The following CHRM3 variants were observed in gnomAD, a reference collection of about 807,000 sequenced individuals.
CHRM3 encodes the protein cholinergic receptor muscarinic 3, also known as muscarinic acetylcholine receptor M3.
Under a neutral mutation model 41.8 loss-of-function variants are expected in CHRM3, and 11 were observed. That is an observed-to-expected ratio of 0.26 (90% CI 0.17 to 0.44). CHRM3 has a LOEUF of 0.44. Ranked by LOEUF, CHRM3 falls within the 20% of genes least tolerant of loss-of-function variation. The probability of loss-of-function intolerance (pLI) is 1.00; values close to 1 mark genes in which losing one functional copy is unlikely to be tolerated. For missense variants in CHRM3, 571 were observed against 745.4 expected (o/e 0.77, Z 2.72); for synonymous variants, 297 against 301.4 (o/e 0.99, Z 0.15).
chr1:239,587,387 A>G (rs561215370), intron 3 of CHRM3, among the ~76,000 whole-genome samples: 1 of 152,326 alleles, frequency 6.6e-6, no homozygotes, highest in South Asian at 2.1e-4. Flanking sequence ...GATGAAAAAT[A>G]TGGTAGCAAG....
intron 6 of CHRM3, among the ~76,000 whole-genome samples, chr1:239,848,270 T>C (rs1030475139): frequency 6.6e-6 from 1 of 152,184 alleles, no homozygotes; most frequent in African/African-American, 2.4e-5. Context: ...AGAAAATTTT[T>C]ATGCCATTCA....
chr1:239,596,432 G>A (rs1664782631), intron 3 of CHRM3, among the ~76,000 whole-genome samples: 5 of 152,124 alleles, frequency 3.3e-5, no homozygotes, highest in Admixed American at 3.3e-4. Flanking sequence ...AGTCCTAAGA[G>A]GAGAACCAAA....
At chr1:239,754,918 C>G (rs535050330) in intron 5 of CHRM3, among the ~76,000 whole-genome samples, 2 of 152,260 alleles carry the variant, frequency 1.3e-5, no homozygotes, top group Non-Finnish European at 2.9e-5. Context: ...AATGAGCAAT[C>G]TAATTCTCAT....
At chr1:239,589,085 C>T (rs948079364) in intron 3 of CHRM3, among the ~76,000 whole-genome samples, 13 of 152,074 alleles carry the variant, frequency 8.5e-5, no homozygotes, top group African/African-American at 3.1e-4. Context: ...AGGCACGTGC[C>T]GTCATGCCTG....
chr1:239,387,772 T>C lies in CHRM3; in HGVS notation c.-521+545T>C, dbSNP rs1658657660. Among the ~76,000 whole-genome samples the C allele has an allele frequency of 6.6e-6, 1 of 152,126 alleles. No homozygotes were observed. The highest frequency in any genetic ancestry group is 2.4e-5 in the African/African-American group (1 of 41,442). ...CTCGCAGTGGGGCCGCAAGTTCGGATTGCATTTCAGGGGGCGAGAAGGCAA... is the reference window on the plus strand; with the variant it reads ...CTCGCAGTGGGGCCGCAAGTTCGGACTGCATTTCAGGGGGCGAGAAGGCAA... On this transcript the variant is annotated intron_variant, in intron 1 of 6. Transcript: ENST00000676153. This position sits in a 1 kb window ranked among gnomAD's most constrained non-coding sequence, Gnocchi z 5.1.
intron 5 of CHRM3, among the ~76,000 whole-genome samples, chr1:239,717,011 A>G (rs762190534): frequency 2.0e-5 from 3 of 151,770 alleles, no homozygotes; most frequent in African/African-American, 4.8e-5. Context: ...AATGTCCTCA[A>G]TGCCAGAAAA....
intron 6 of CHRM3, among the ~76,000 whole-genome samples, chr1:239,859,360 T>C (rs572490399): frequency 6.6e-6 from 1 of 152,156 alleles, no homozygotes; most frequent in African/African-American, 2.4e-5. Flanking sequence ...TAATAACAAA[T>C]GAAGTTGAGC....
Position 239,776,537 on chromosome 1 carries a change from CA to C in CHRM3, c.-146-50709del, listed in dbSNP as rs1419369913. 4.0e-5 allele frequency among the ~76,000 whole-genome samples: 6 copies of C among 151,736 alleles called. No individual in the cohort carries two copies. In the East Asian group the frequency reaches 1.2e-3, roughly 29 times the overall value. ...ATCCCCTGGCAGATAGTGAACCTTT[CA>C]AAAAATTGATGTAAGGAAGGGAAGA... On this transcript the variant is annotated intron_variant, in intron 5 of 6. Coordinates refer to ENST00000676153, the MANE Select transcript of CHRM3 (RefSeq NM_001375978.1).
chr1:239,504,240 TA>T (rs974727072), intron 2 of CHRM3, among the ~76,000 whole-genome samples: 3 of 151,352 alleles, frequency 2.0e-5, no homozygotes, highest in African/African-American at 7.3e-5. Flanking sequence ...AACAATCCCA[TA>T]AAAAAGGGGG....
intron 3 of CHRM3, among the ~76,000 whole-genome samples, chr1:239,611,530 C>T (rs1336003964): frequency 6.7e-6 from 1 of 149,170 alleles, no homozygotes; most frequent in African/African-American, 2.5e-5. Flanking sequence ...AAGGGATTCT[C>T]CCGCCTCCAC....
rs577384014 is a variant in CHRM3 at position 239,484,458 on chromosome 1, T to A, written c.-520-8251T>A. On this transcript the variant is annotated intron_variant, in intron 1 of 6. Transcript: ENST00000676153. ...CCCACCTCCAACATTGGAAATTACA[T>A]TGGAACATGAGATTTGGAGGGAAAA... 1.2e-4 allele frequency among the ~76,000 whole-genome samples: 18 copies of A among 152,256 alleles called. No homozygotes were observed. The South Asian group carries it at 3.7e-3, about 32-fold the overall frequency.
At chr1:239,595,925 G>A (rs1472419654) in intron 3 of CHRM3, among the ~76,000 whole-genome samples, 2 of 151,922 alleles carry the variant, frequency 1.3e-5, no homozygotes, top group Non-Finnish European at 2.9e-5. Context: ...GTTATTTTTA[G>A]AAGACAGAAC....
chr1:239,565,632 G>T (rs1661285230), intron 3 of CHRM3, among the ~76,000 whole-genome samples: 2 of 152,108 alleles, frequency 1.3e-5, no homozygotes, highest in Admixed American at 1.3e-4. Context: ...AATTGTCCTT[G>T]TGATCTATAT....
chr1:239,519,933 G>C (rs565183624), intron 2 of CHRM3, among the ~76,000 whole-genome samples: 58 of 151,948 alleles, frequency 3.8e-4, no homozygotes, highest in African/African-American at 1.3e-3. Flanking sequence ...ATTTTTAGTA[G>C]AGACGGGGTT....
intron 5 of CHRM3, among the ~76,000 whole-genome samples, chr1:239,723,414 A>T (rs1451234606): frequency 6.6e-6 from 1 of 152,020 alleles, no homozygotes; most frequent in Non-Finnish European, 1.5e-5. Context: ...AATAGAGATC[A>T]CATGAATCAA....
chr1:239,493,351 T>G (rs953529130), intron 2 of CHRM3, among the ~76,000 whole-genome samples: 5 of 152,162 alleles, frequency 3.3e-5, no homozygotes, highest in Non-Finnish European at 7.4e-5. Context: ...GTTGCTAAAC[T>G]AGACACAATA....
chr1:239,561,745 A>G (rs1660883352), intron 3 of CHRM3, among the ~76,000 whole-genome samples: 1 of 152,066 alleles, frequency 6.6e-6, no homozygotes. Context: ...TTAGCATGTA[A>G]ACTCTATGAA....
chr1:239,642,868 G>A (rs908898038), intron 4 of CHRM3, among the ~76,000 whole-genome samples: 1 of 152,106 alleles, frequency 6.6e-6, no homozygotes, highest in African/African-American at 2.4e-5. Context: ...CAGTTTTTCT[G>A]CTCTGTTTTT....
intron 6 of CHRM3, among the ~76,000 whole-genome samples, chr1:239,872,745 A>G (rs990684081): frequency 1.3e-5 from 2 of 152,188 alleles, no homozygotes; most frequent in African/African-American, 4.8e-5. Context: ...GTGAGACTGC[A>G]GAGTATTTTT....
Sources: gnomAD v4.1 joint callset for allele counts (sites outside exome capture counted in the v4.1 genomes callset) on GRCh38, gnomAD v4.1.1 for gene constraint, Gnocchi (gnomAD v3.1) non-coding constraint, MANE v1.5 for transcripts, NCBI Gene and HGNC (gene_info 2026-07-23, HGNC 2026-07-21) for gene names.